FGD6: variants seen among roughly 807,000 people sequenced by gnomAD.
The protein encoded by FGD6 is FYVE, RhoGEF and PH domain containing 6.
Under a neutral mutation model 149.4 loss-of-function variants are expected in FGD6, and 90 were observed. The observed-to-expected ratio is 0.60, with a 90% confidence interval of 0.51 to 0.72. The LOEUF is 0.72. Among genes scored for constraint, FGD6 ranks in the 30% least tolerant of loss-of-function variants. FGD6 has a pLI of 0.00. For missense variants in FGD6, 1,437 were observed against 1,684.8 expected (o/e 0.85, Z 2.57); for synonymous variants, 527 against 584.0 (o/e 0.90, Z 1.41).
chr12:95,152,141 C>A (rs1390016795), intron 5 of FGD6, among the ~76,000 whole-genome samples: 1 of 152,028 alleles, frequency 6.6e-6, no homozygotes, highest in Non-Finnish European at 1.5e-5. Flanking sequence ...GCCCGGGTAA[C>A]ATGTTGAAAC....
At chr12:95,139,472 A>G (rs1219620395) in intron 6 of FGD6, among the ~76,000 whole-genome samples, 3 of 143,188 alleles carry the variant, frequency 2.1e-5, no homozygotes, top group Non-Finnish European at 4.6e-5. Context: ...ATAAGCCCCA[A>G]TTTTTTTTTT....
At chr12:95,086,792 C>T (rs559688934) in intron 18 of FGD6, among the ~76,000 whole-genome samples, 7 of 150,478 alleles carry the variant, frequency 4.7e-5, no homozygotes, top group African/African-American at 1.2e-4. Flanking sequence ...GTGATCCACC[C>T]GCCTTGGCCT....
intron 5 of FGD6, among the ~76,000 whole-genome samples, chr12:95,144,332 C>A (rs1879943763): frequency 2.0e-5 from 3 of 151,728 alleles, no homozygotes; most frequent in Admixed American, 2.0e-4. Flanking sequence ...ATTAAAATAG[C>A]AGAAGTACAC....
chr12:95,200,005 C>T (rs1301205211), intron 2 of FGD6, among the ~76,000 whole-genome samples: 3 of 152,178 alleles, frequency 2.0e-5, no homozygotes, highest in East Asian at 1.9e-4. Context: ...TACATTTTGT[C>T]GACTTAAAAC....
intron 14 of FGD6, among the ~76,000 whole-genome samples, chr12:95,101,884 C>T (rs535552498): frequency 2.2e-4 from 34 of 151,688 alleles, no homozygotes; most frequent in Non-Finnish European, 4.3e-4. Context: ...GGTTTCCCCA[C>T]GTTGGCCAGG....
chr12:95,161,033 A>C (rs1436755829), intron 3 of FGD6, among the ~76,000 whole-genome samples: 3 of 151,080 alleles, frequency 2.0e-5, no homozygotes. Flanking sequence ...TACAAAAATT[A>C]GCTGGGCATG....
Position 95,089,665 on chromosome 12 carries a change from A to G in FGD6, c.3882T>C (p.Pro1294=). The G allele has an allele frequency of 6.2e-7, 1 of 1,613,970 alleles. No homozygotes were observed. Among genetic ancestry groups the G allele is most frequent in the Non-Finnish European group, 8.5e-7 (1 of 1,179,856 alleles). Reference sequence around the variant, plus strand: ...CACTTGAAGGAGATTTGTGATTTCCAGGAGATCCAATCCTAGGGGAGTGCT... The same window carrying G: ...CACTTGAAGGAGATTTGTGATTTCCGGGAGATCCAATCCTAGGGGAGTGCT... ...DHQHSPRIGS[P]GNHKSPSSAL... Residue 1294 remains proline, a synonymous_variant, in exon 18 of 21, where the codon CCT becomes CCC. Coordinates refer to ENST00000343958, the MANE Select transcript of FGD6 (RefSeq NM_018351.4).
At chr12:95,179,722 TCTTC>T (rs909986421) in intron 2 of FGD6, among the ~76,000 whole-genome samples, 1 of 152,176 alleles carries the variant, frequency 6.6e-6, no homozygotes, top group Non-Finnish European at 1.5e-5. Flanking sequence ...CTTAAAGGGA[TCTTC>T]CTTCAATAGC....
intron 3 of FGD6, among the ~76,000 whole-genome samples, chr12:95,154,004 G>A (rs1880392471): frequency 6.6e-6 from 1 of 151,594 alleles, no homozygotes; most frequent in Admixed American, 6.6e-5. Context: ...CTGCTGCCCA[G>A]GCTGGAGTGC....
chr12:95,154,656 G>A (rs1326851840), intron 3 of FGD6, among the ~76,000 whole-genome samples: 1 of 152,158 alleles, frequency 6.6e-6, no homozygotes, highest in East Asian at 1.9e-4. Context: ...TTAGAAAGAG[G>A]TCTCTTTGCA....
intron 2 of FGD6, among the ~76,000 whole-genome samples, chr12:95,203,286 G>T (rs2056672230): frequency 6.6e-6 from 1 of 152,204 alleles, no homozygotes; most frequent in Admixed American, 6.5e-5. Flanking sequence ...AAGACCAAAA[G>T]ATAAATCCAA....
At chr12:95,179,609 T>C (rs1881222469) in intron 2 of FGD6, among the ~76,000 whole-genome samples, 1 of 152,154 alleles carries the variant, frequency 6.6e-6, no homozygotes, top group Non-Finnish European at 1.5e-5. Context: ...ACAAATAGAA[T>C]GCAAAATTCT....
In FGD6 at chr12:95,211,007, A is replaced by C. The variant is rs2056723476; in HGVS notation, c.277T>G (p.Phe93Val). The change falls in exon 2 of 21, where the codon TTT becomes GTT. Residue 93 changes from phenylalanine to valine, a missense_variant. Around this residue, in one of 2 missense-constraint regions of FGD6, gnomAD observed 1,055 missense variants for 1,146.0 expected, o/e 0.92. Coordinates refer to ENST00000343958, the MANE Select transcript of FGD6 (RefSeq NM_018351.4). ...KQELAESTDN[F>V]NCKYEGNQSN... Reference sequence around the variant, plus strand: ...TGATTGCCTTCATATTTACAATTAAAGTTGTCAGTGCTTTCAGCTAATTCC... The same window carrying C: ...TGATTGCCTTCATATTTACAATTAACGTTGTCAGTGCTTTCAGCTAATTCC... 1 of 1,614,084 alleles carries C rather than the reference A, an allele frequency of 6.2e-7. No homozygotes were observed. The highest frequency in any genetic ancestry group is 1.1e-5 in the South Asian group (1 of 91,056).
chr12:95,145,702 G>C (rs1238929902), intron 5 of FGD6, among the ~76,000 whole-genome samples: 1 of 152,072 alleles, frequency 6.6e-6, no homozygotes, highest in Non-Finnish European at 1.5e-5. Context: ...TTTTGAGATG[G>C]AGTTTTGCTC....
chr12:95,149,281 A>ATATATAT (rs1180766052), intron 5 of FGD6, among the ~76,000 whole-genome samples: 8 of 27,526 alleles, frequency 2.9e-4, no homozygotes, highest in Non-Finnish European at 4.5e-4. Flanking sequence ...TACATATAGC[A>ATATATAT]TATATAATAT....
chr12:95,101,338 GT>G (rs1318611446), intron 14 of FGD6, among the ~76,000 whole-genome samples: 2 of 152,074 alleles, frequency 1.3e-5, no homozygotes, highest in East Asian at 3.9e-4. Flanking sequence ...GCGAGACTCT[GT>G]CACAAAAAAG....
At chr12:95,136,599 G>A (rs774979172) in intron 7 of FGD6, among the ~76,000 whole-genome samples, 7 of 152,038 alleles carry the variant, frequency 4.6e-5, no homozygotes, top group Non-Finnish European at 1.0e-4. Flanking sequence ...CTCTGAACAG[G>A]TTATTACTTT....
intron 3 of FGD6, among the ~76,000 whole-genome samples, chr12:95,165,600 A>G (rs1460104746): frequency 6.6e-6 from 1 of 151,608 alleles, no homozygotes; most frequent in African/African-American, 2.4e-5. Flanking sequence ...AGCCTCCCAA[A>G]GTGCTAAGAT....
intron 8 of FGD6, among the ~76,000 whole-genome samples, chr12:95,119,009 C>T (rs773328579): frequency 1.3e-5 from 2 of 152,068 alleles, no homozygotes; most frequent in Non-Finnish European, 2.9e-5. Flanking sequence ...GGGCCAGGTG[C>T]GATGGCTCAT....
Sources: gnomAD v4.1 joint callset for allele counts (sites outside exome capture counted in the v4.1 genomes callset) on GRCh38, gnomAD v4.1.1 for gene constraint, gnomAD v4.1.1 regional missense constraint, MANE v1.5 for transcripts, NCBI Gene and HGNC (gene_info 2026-07-23, HGNC 2026-07-21) for gene names.